The following TRPS1 variants were observed in gnomAD, a reference collection of about 807,000 sequenced individuals.
TRPS1 encodes the protein zinc finger transcription factor Trps1.
Under a neutral mutation model 101.2 loss-of-function variants are expected in TRPS1, and 6 were observed. The observed-to-expected ratio is 0.06, with a 90% CI of 0.03 to 0.12. The LOEUF is 0.12. TRPS1 is among the 10% of genes least tolerant of loss of function. TRPS1 has a pLI of 1.00. For synonymous variants in TRPS1, 578 were observed against 589.8 expected (o/e 0.98, Z 0.29); for missense variants, 1,363 against 1,567.0 (o/e 0.87, Z 2.20).
intron 3 of TRPS1, among the ~76,000 whole-genome samples, chr8:115,616,531 T>C (rs1297302201): frequency 6.6e-6 from 1 of 151,954 alleles, no homozygotes; most frequent in Non-Finnish European, 1.5e-5. Flanking sequence ...GTTACTTTTT[T>C]TTTTTTTTTG....
At chr8:115,453,611 T>C (rs534879516) in intron 5 of TRPS1, among the ~76,000 whole-genome samples, 19 of 152,314 alleles carry the variant, frequency 1.2e-4, no homozygotes, top group Non-Finnish European at 1.9e-4. Flanking sequence ...ATTGTTGTCT[T>C]GACATCCTGG....
intron 5 of TRPS1, among the ~76,000 whole-genome samples, chr8:115,544,003 A>G (rs1424799893): frequency 1.3e-5 from 2 of 152,118 alleles, no homozygotes; most frequent in Non-Finnish European, 2.9e-5. Context: ...TAATTCATCA[A>G]GACAAAAGTG....
chr8:115,667,017 T>C (rs1346124519), intron 1 of TRPS1, among the ~76,000 whole-genome samples: 1 of 152,212 alleles, frequency 6.6e-6, no homozygotes, highest in East Asian at 1.9e-4. Flanking sequence ...TTTTCCAAAA[T>C]GGCATAAGAA....
At chr8:115,463,368 A>G (rs1247364370) in intron 5 of TRPS1, among the ~76,000 whole-genome samples, 1 of 152,234 alleles carries the variant, frequency 6.6e-6, no homozygotes, top group Non-Finnish European at 1.5e-5. Context: ...CTTTTCTGAG[A>G]TATTTATTTT....
chr8:115,611,049 G>A (rs948697370), intron 3 of TRPS1, among the ~76,000 whole-genome samples: 6 of 151,456 alleles, frequency 4.0e-5, no homozygotes, highest in Admixed American at 1.3e-4. Flanking sequence ...CCTGGGGGGC[G>A]GAGGTTGCAG....
chr8:115,547,475 C>T (rs574350841), intron 5 of TRPS1, among the ~76,000 whole-genome samples: 241 of 152,262 alleles, frequency 1.6e-3, no homozygotes, highest in African/African-American at 5.5e-3. Context: ...GTGTGAATAC[C>T]TGCCCCTAGA....
chr8:115,654,375 T>C (rs977872251), intron 1 of TRPS1, among the ~76,000 whole-genome samples: 4 of 152,192 alleles, frequency 2.6e-5, no homozygotes, highest in African/African-American at 9.7e-5. Flanking sequence ...TATTTTTCTT[T>C]CATTAGTTTT....
chr8:115,621,768 T>G (rs192096998), intron 2 of TRPS1, among the ~76,000 whole-genome samples: 5 of 151,826 alleles, frequency 3.3e-5, no homozygotes, highest in Admixed American at 6.6e-5. Context: ...ATACAAAAAT[T>G]AGCTGGGTGT....
At chr8:115,437,640 T>C (rs1187633987) in intron 5 of TRPS1, among the ~76,000 whole-genome samples, 1 of 152,214 alleles carries the variant, frequency 6.6e-6, no homozygotes, top group African/African-American at 2.4e-5. Context: ...AAAGGCTGAA[T>C]GTCTACACGA....
intron 4 of TRPS1, among the ~76,000 whole-genome samples, chr8:115,591,966 C>T (rs116757515): frequency 1.2e-4 from 18 of 152,148 alleles, no homozygotes; most frequent in African/African-American, 4.3e-4. Flanking sequence ...GAACACAGGG[C>T]TTCAAACTCC....
chr8:115,564,051 G>A (rs1817009776), intron 5 of TRPS1, among the ~76,000 whole-genome samples: 2 of 152,074 alleles, frequency 1.3e-5, no homozygotes, highest in African/African-American at 4.8e-5. Context: ...AGTGAACAGT[G>A]CTCAAATCTC....
chr8:115,668,001 G>A (rs1310673977), intron 1 of TRPS1: 1 of 1,143,718 alleles, frequency 8.7e-7, no homozygotes, highest in African/African-American at 1.5e-5. Context: ...CCCGGTAGGA[G>A]AGAATTAAAA....
intron 5 of TRPS1, among the ~76,000 whole-genome samples, chr8:115,545,819 TG>T (rs1816557577): frequency 6.6e-6 from 1 of 152,158 alleles, no homozygotes; most frequent in African/African-American, 2.4e-5. Flanking sequence ...ATGGCTTCAT[TG>T]TTTTATTTCA....
At chr8:115,446,736 A>G (rs1024281580) in intron 5 of TRPS1, among the ~76,000 whole-genome samples, 2 of 152,136 alleles carry the variant, frequency 1.3e-5, no homozygotes, top group Non-Finnish European at 2.9e-5. Flanking sequence ...ATGAACCCAG[A>G]AAAGTTATGG....
intron 4 of TRPS1, among the ~76,000 whole-genome samples, chr8:115,600,823 G>T (rs995998611): frequency 2.0e-5 from 3 of 152,154 alleles, no homozygotes; most frequent in Admixed American, 6.5e-5. Context: ...GCAGTTAATA[G>T]AGAGCAGGTA....
intron 5 of TRPS1, among the ~76,000 whole-genome samples, chr8:115,545,462 C>T (rs1022617772): frequency 1.1e-4 from 17 of 152,148 alleles, no homozygotes; most frequent in Admixed American, 9.8e-4. Context: ...ATCCCTTCTT[C>T]ACTATGCCTA....
chr8:115,457,532 G>A (rs1484889010), intron 5 of TRPS1, among the ~76,000 whole-genome samples: 1 of 152,074 alleles, frequency 6.6e-6, no homozygotes, highest in African/African-American at 2.4e-5. Context: ...GGAGATGGAT[G>A]GTGGTGATGG....
At chr8:115,637,894 T>A (rs1818806544) in intron 1 of TRPS1, among the ~76,000 whole-genome samples, 1 of 152,220 alleles carries the variant, frequency 6.6e-6, no homozygotes, top group South Asian at 2.1e-4. Flanking sequence ...ACTTAGTGTT[T>A]TATTCTAGCC....
chr8:115,508,337 T>C (rs1481810482), intron 5 of TRPS1, among the ~76,000 whole-genome samples: 1 of 152,138 alleles, frequency 6.6e-6, no homozygotes, highest in Non-Finnish European at 1.5e-5. Context: ...AGAATCATCA[T>C]ACACAGCTTC....
Sources: gnomAD v4.1 joint callset for allele counts (sites outside exome capture counted in the v4.1 genomes callset) on GRCh38, gnomAD v4.1.1 for gene constraint, MANE v1.5 for transcripts, NCBI Gene and HGNC (gene_info 2026-07-23, HGNC 2026-07-21) for gene names.